LAMA2: variants seen among roughly 807,000 people sequenced by gnomAD.
LAMA2 encodes laminin subunit alpha 2.
A neutral mutation model predicts 364.8 loss-of-function variants in LAMA2; 269 were observed. That is an observed-to-expected ratio of 0.74 (90% CI 0.67 to 0.82). The LOEUF is 0.82. LAMA2 is among the 40% of genes least tolerant of loss of function. LAMA2 has a pLI of 0.00. For missense variants in LAMA2, 3,807 were observed against 3,873.2 expected, an observed-to-expected ratio of 0.98 and a Z score of 0.45; for synonymous variants, 1,379 against 1,370.6, an observed-to-expected ratio of 1.01 and a Z score of -0.14.
intron 1 of LAMA2, among the ~76,000 whole-genome samples, chr6:129,035,398 T>G (rs1438991662): frequency 1.3e-5 from 2 of 151,754 alleles, no homozygotes; most frequent in Admixed American, 6.6e-5. Flanking sequence ...TTATAGTTTC[T>G]GGATATTAGT....
intron 45 of LAMA2, among the ~76,000 whole-genome samples, chr6:129,452,729 T>C (rs1041032553): frequency 6.6e-6 from 1 of 152,190 alleles, no homozygotes; most frequent in African/African-American, 2.4e-5. Flanking sequence ...AGTTTGTTAG[T>C]TGCATGCTTC....
intron 3 of LAMA2, among the ~76,000 whole-genome samples, chr6:129,079,236 A>G (rs892164594): frequency 6.6e-6 from 1 of 152,156 alleles, no homozygotes; most frequent in Admixed American, 6.6e-5. Flanking sequence ...CTACATTCAC[A>G]TAACTTTTAT....
chr6:129,433,324 C>A (rs565692301), intron 41 of LAMA2, among the ~76,000 whole-genome samples: 1 of 152,306 alleles, frequency 6.6e-6, no homozygotes, highest in African/African-American at 2.4e-5. Context: ...GAGAGAAATA[C>A]AGTTGTAGAT....
intron 40 of LAMA2, among the ~76,000 whole-genome samples, chr6:129,406,428 A>G (rs746572535): frequency 6.6e-6 from 1 of 152,196 alleles, no homozygotes; most frequent in Admixed American, 6.5e-5. Flanking sequence ...CTATTTTTCT[A>G]TTGGTGTCGG....
intron 12 of LAMA2, among the ~76,000 whole-genome samples, chr6:129,241,165 A>G (rs1785373460): frequency 1.3e-5 from 2 of 152,176 alleles, no homozygotes; most frequent in South Asian, 2.1e-4. Flanking sequence ...TGCCTTCTCT[A>G]TGTGTAATAC....
At chr6:129,275,408 A>G (rs1788238072) in intron 17 of LAMA2, among the ~76,000 whole-genome samples, 1 of 152,106 alleles carries the variant, frequency 6.6e-6, no homozygotes, top group East Asian at 1.9e-4. Context: ...GAACTCATAT[A>G]TTTTGACTCA....
intron 24 of LAMA2, 60 bp downstream of exon 24, chr6:129,314,858 T>G: frequency 6.3e-7 from 1 of 1,583,790 alleles, no homozygotes. Flanking sequence ...TGGTGTCTTT[T>G]AGTCAGGCAC....
intron 1 of LAMA2, chr6:128,929,122 CA>C: frequency 2.8e-6 from 4 of 1,443,962 alleles, no homozygotes; most frequent in Non-Finnish European, 3.9e-6. Flanking sequence ...CGTACAGATC[CA>C]AAAACTCTGG....
chr6:129,348,949 A>C (rs752454289), intron 30 of LAMA2, among the ~76,000 whole-genome samples: 1 of 152,178 alleles, frequency 6.6e-6, no homozygotes, highest in African/African-American at 2.4e-5. Flanking sequence ...GACAATGTGC[A>C]TAAATTCTAG....
chr6:129,093,299 T>C (rs866257170), intron 3 of LAMA2, among the ~76,000 whole-genome samples: 7,450 of 151,992 alleles, frequency 0.049, 292 homozygotes, highest in African/African-American at 0.1. Context: ...GAGGATTTTT[T>C]TTTTTTTTTA....
intron 1 of LAMA2, among the ~76,000 whole-genome samples, chr6:128,926,207 A>G (rs1219709089): frequency 6.6e-6 from 1 of 151,968 alleles, no homozygotes; most frequent in African/African-American, 2.4e-5. Flanking sequence ...GTGAAATTGC[A>G]TCTTTCCACA....
At chr6:129,451,368 T>G (rs1393530346) in intron 45 of LAMA2, among the ~76,000 whole-genome samples, 3 of 152,180 alleles carry the variant, frequency 2.0e-5, no homozygotes, top group Non-Finnish European at 2.9e-5. Flanking sequence ...TAGTTGGCCC[T>G]GAGTCCTGCA....
At chr6:129,385,419 C>T (rs1258434078) in intron 35 of LAMA2, among the ~76,000 whole-genome samples, 2 of 151,808 alleles carry the variant, frequency 1.3e-5, no homozygotes, top group Non-Finnish European at 2.9e-5. Flanking sequence ...ACCTCTTTTT[C>T]TCTCTCTCTA....
In LAMA2 at chr6:129,301,704, G is replaced by A. The variant is rs149964304; in HGVS notation, c.3174+832G>A. ...TGCATTTTTATCAGCTTTTTGTGAG[G>A]TATTAATAAAATAAAATTCACCCAT... is the stretch of plus-strand genomic sequence containing the variant. On this transcript the variant is annotated intron_variant, in intron 22 of 64. Coordinates refer to ENST00000421865, the MANE Select transcript of LAMA2 (RefSeq NM_000426.4). 2.2e-3 allele frequency among the ~76,000 whole-genome samples: 330 copies of A among 152,156 alleles called. 1 individual carries two copies. Among genetic ancestry groups the A allele is most frequent in the African/African-American group, 7.7e-3 (320 of 41,506 alleles).
chr6:129,358,007 G>A (rs918990131), intron 32 of LAMA2, among the ~76,000 whole-genome samples: 2 of 151,908 alleles, frequency 1.3e-5, no homozygotes, highest in Non-Finnish European at 1.5e-5. Context: ...CTCTCTGCTC[G>A]TACTCACTGC....
chr6:129,274,784 A>C (rs560064897), intron 17 of LAMA2, among the ~76,000 whole-genome samples: 16 of 152,028 alleles, frequency 1.1e-4, no homozygotes, highest in Non-Finnish European at 1.9e-4. Flanking sequence ...GGAGAGAAGC[A>C]AATAACAATG....
At chr6:129,023,050 T>C (rs1253469297) in intron 1 of LAMA2, among the ~76,000 whole-genome samples, 1 of 152,180 alleles carries the variant, frequency 6.6e-6, no homozygotes, top group Non-Finnish European at 1.5e-5. Flanking sequence ...GCTTCTTGCT[T>C]TTTTTAAACA....
chr6:129,314,862 C>A, intron 24 of LAMA2, 64 bp downstream of exon 24: 1 of 1,565,838 alleles, frequency 6.4e-7, no homozygotes, highest in Non-Finnish European at 8.8e-7. Flanking sequence ...GTCTTTTAGT[C>A]AGGCACTGAG....
At chr6:129,255,094 C>T (rs910667056) in intron 14 of LAMA2, among the ~76,000 whole-genome samples, 1 of 151,504 alleles carries the variant, frequency 6.6e-6, no homozygotes, top group African/African-American at 2.4e-5. Context: ...CTGCAGCTTA[C>T]TCAGCAATCA....
Sources: gnomAD v4.1 joint callset for allele counts (sites outside exome capture counted in the v4.1 genomes callset) on GRCh38, gnomAD v4.1.1 for gene constraint, MANE v1.5 for transcripts, NCBI Gene and HGNC (gene_info 2026-07-23, HGNC 2026-07-21) for gene names.